SLC29A3: variants seen among roughly 807,000 people sequenced by gnomAD.
SLC29A3 encodes the protein equilibrative nucleoside transporter 3.
Under a neutral mutation model 25.4 loss-of-function variants are expected in SLC29A3, and 18 were observed. That is an observed-to-expected ratio of 0.71 (90% CI 0.49 to 1.05). The LOEUF is 1.05. Ranked by LOEUF, SLC29A3 falls within the 50% of genes least tolerant of loss-of-function variation. SLC29A3 has a pLI of 0.00. For synonymous variants in SLC29A3, 258 were observed against 267.1 expected (o/e 0.97, Z 0.33); for missense variants, 586 against 609.0 (o/e 0.96, Z 0.40).
chr10:71,376,922 C>A (rs545736815), intron 4 of SLC29A3, among the ~76,000 whole-genome samples: 40 of 152,212 alleles, frequency 2.6e-4, no homozygotes, highest in African/African-American at 8.7e-4. Context: ...ATTACAGGCA[C>A]CTGCCACCAC....
At chr10:71,341,409 G>T (rs1398182001) in intron 2 of SLC29A3, among the ~76,000 whole-genome samples, 1 of 152,208 alleles carries the variant, frequency 6.6e-6, no homozygotes, top group African/African-American at 2.4e-5. Flanking sequence ...TCAGCAGAGG[G>T]TTTGGTGGGG....
At chr10:71,349,567 TGTGTGG>T (rs981134498) in intron 3 of SLC29A3, among the ~76,000 whole-genome samples, 1 of 152,112 alleles carries the variant, frequency 6.6e-6, no homozygotes, top group Non-Finnish European at 1.5e-5. Flanking sequence ...TGTTTGTGGC[TGTGTGG>T]GTGTGGGTGT....
chr10:71,379,444 G>C lies in SLC29A3; in HGVS notation c.*212-322G>C, dbSNP rs183612132. On this transcript the variant is annotated intron_variant and NMD_transcript_variant, in intron 4 of 4. Transcript: ENST00000642772. ...CCAGTTCAAATCTCAATGGTCACAAGAGTGAATCCCCTCTGCTTTATTCCT... is the reference window on the plus strand; with the variant it reads ...CCAGTTCAAATCTCAATGGTCACAACAGTGAATCCCCTCTGCTTTATTCCT... Among the ~76,000 whole-genome samples, 134 of 152,366 alleles carry C rather than the reference G, an allele frequency of 8.8e-4. 1 individual carries two copies. Among genetic ancestry groups the C allele is most frequent in the African/African-American group, 3.2e-3 (132 of 41,588 alleles).
At chr10:71,323,899 A>G (rs185752578) in intron 2 of SLC29A3, among the ~76,000 whole-genome samples, 3 of 152,338 alleles carry the variant, frequency 2.0e-5, no homozygotes, top group South Asian at 4.1e-4. Flanking sequence ...GGCACAAGTA[A>G]GAGCAAGAGG....
intron 2 of SLC29A3, among the ~76,000 whole-genome samples, chr10:71,339,319 C>T (rs190417281): frequency 1.1e-4 from 16 of 152,294 alleles, no homozygotes; most frequent in African/African-American, 1.4e-4. Flanking sequence ...GACTTTGATG[C>T]GATTACTTAG....
intron 2 of SLC29A3, among the ~76,000 whole-genome samples, chr10:71,331,048 G>A (rs1233743953): frequency 1.3e-5 from 2 of 152,022 alleles, no homozygotes; most frequent in Non-Finnish European, 2.9e-5. Flanking sequence ...CAGCATTTTC[G>A]AAATTTTTTG....
At chr10:71,375,134 A>T (rs1847240606) in intron 3 of SLC29A3, among the ~76,000 whole-genome samples, 2 of 152,166 alleles carry the variant, frequency 1.3e-5, no homozygotes, top group African/African-American at 4.8e-5. Flanking sequence ...TCTTGTTATT[A>T]TCCTGCTCTT....
At chr10:71,321,285 G>T (rs916215994) in intron 1 of SLC29A3, among the ~76,000 whole-genome samples, 5 of 152,274 alleles carry the variant, frequency 3.3e-5, no homozygotes, top group Non-Finnish European at 7.4e-5. Flanking sequence ...AGTGGATAAG[G>T]TTCTGCACCC....
intron 3 of SLC29A3, among the ~76,000 whole-genome samples, chr10:71,348,695 G>A (rs1260754403): frequency 1.3e-5 from 2 of 152,216 alleles, no homozygotes; most frequent in Non-Finnish European, 2.9e-5. Flanking sequence ...GGGTCCAGGT[G>A]TCTACCTGGC....
chr10:71,360,244 G>C (rs59501127), intron 5 of SLC29A3, among the ~76,000 whole-genome samples: 3 of 148,706 alleles, frequency 2.0e-5, no homozygotes, highest in Non-Finnish European at 4.4e-5. Context: ...CCCGAGTTTA[G>C]GTGATTCTCC....
chr10:71,333,306 G>T (rs1405169729), intron 2 of SLC29A3, among the ~76,000 whole-genome samples: 1 of 152,240 alleles, frequency 6.6e-6, no homozygotes, highest in African/African-American at 2.4e-5. Flanking sequence ...GAGTACTCTA[G>T]TGGAGGCAGA....
intron 2 of SLC29A3, among the ~76,000 whole-genome samples, chr10:71,329,997 G>T (rs1326691709): frequency 6.6e-6 from 1 of 152,202 alleles, no homozygotes; most frequent in African/African-American, 2.4e-5. Flanking sequence ...CGAGTGTGGG[G>T]TTCCTCATGG....
At chr10:71,326,957 C>T (rs1482907265) in intron 2 of SLC29A3, among the ~76,000 whole-genome samples, 1 of 152,160 alleles carries the variant, frequency 6.6e-6, no homozygotes, top group Non-Finnish European at 1.5e-5. Flanking sequence ...TCATCCCAGC[C>T]ACCCACCTCC....
At position 71,350,692 on chromosome 10, in the gene SLC29A3, A is replaced by G. The variant is rs550277561; in HGVS notation, c.384-870A>G. Among the ~76,000 whole-genome samples the G allele has an allele frequency of 2.6e-5, 4 of 152,298 alleles. No homozygotes were observed. The South Asian group carries it at 6.2e-4, about 24-fold the overall frequency. ...ACTAACTTGGCATCACCTGCTCCCC[A>G]TGATGACTGAGGCCATCACAGGAGG... On this transcript the variant is annotated intron_variant, in intron 3 of 5. Coordinates refer to ENST00000373189, the MANE Select transcript of SLC29A3 (RefSeq NM_018344.6).
At chr10:71,349,021 C>T (rs1846673968) in intron 3 of SLC29A3, among the ~76,000 whole-genome samples, 1 of 152,028 alleles carries the variant, frequency 6.6e-6, no homozygotes, top group African/African-American at 2.4e-5. Flanking sequence ...ATTTATGTAC[C>T]AACTTCCCTA....
chr10:71,355,166 C>G (rs143090852), intron 4 of SLC29A3, among the ~76,000 whole-genome samples: 202 of 152,318 alleles, frequency 1.3e-3, no homozygotes, highest in African/African-American at 4.5e-3. Flanking sequence ...GGTTGTTATT[C>G]CCATTCTATA....
At chr10:71,345,625 G>T (rs72810361) in intron 3 of SLC29A3, among the ~76,000 whole-genome samples, 1 of 152,166 alleles carries the variant, frequency 6.6e-6, no homozygotes, top group Admixed American at 6.5e-5. Flanking sequence ...GGAGAGGGGC[G>T]TTGCAGCCCC....
intron 3 of SLC29A3, among the ~76,000 whole-genome samples, chr10:71,370,624 T>A (rs1311673835): frequency 6.6e-6 from 1 of 152,190 alleles, no homozygotes; most frequent in East Asian, 1.9e-4. Context: ...AACCTCCAAC[T>A]CCTAGGCTCA....
intron 4 of SLC29A3, among the ~76,000 whole-genome samples, chr10:71,352,392 G>A (rs977750853): frequency 2.0e-5 from 3 of 151,800 alleles, no homozygotes; most frequent in South Asian, 2.1e-4. Context: ...AGACAGAGTC[G>A]CAGCTATTTT....
Sources: allele counts gnomAD v4.1 joint callset (sites outside exome capture counted in the v4.1 genomes callset), GRCh38; gene constraint gnomAD v4.1.1; transcripts MANE v1.5; gene names NCBI Gene and HGNC (gene_info 2026-07-23, HGNC 2026-07-21).